NIPBL: variants seen among roughly 807,000 people sequenced by gnomAD.
NIPBL encodes the protein NIPBL cohesin loading factor.
Under a neutral mutation model 321.8 loss-of-function variants are expected in NIPBL, and 19 were observed. The ratio of observed to expected loss-of-function variants is 0.06; its 90% CI spans 0.04 to 0.09. NIPBL has a LOEUF of 0.09. Among genes scored for constraint, NIPBL ranks in the 10% least tolerant of loss-of-function variants. The probability of loss-of-function intolerance (pLI) is 1.00; values close to 1 mark genes in which losing one functional copy is unlikely to be tolerated. For synonymous variants in NIPBL, 1,106 were observed against 1,114.1 expected (o/e 0.99, Z 0.14); for missense variants, 2,210 against 3,327.0 (o/e 0.66, Z 8.26).
intron 10 of NIPBL, among the ~76,000 whole-genome samples, chr5:36,994,014 GAT>G (rs1745848009): frequency 6.6e-6 from 1 of 152,124 alleles, no homozygotes; most frequent in Non-Finnish European, 1.5e-5. Flanking sequence ...TTAAAGTAGA[GAT>G]ATTCAAAGAC....
chr5:37,031,486 A>G (rs544185712), intron 32 of NIPBL, among the ~76,000 whole-genome samples: 5 of 152,342 alleles, frequency 3.3e-5, no homozygotes, highest in Non-Finnish European at 5.9e-5. Context: ...GTCTTCTTCA[A>G]AAAACACATT....
At chr5:37,028,150 A>G (rs1049931650) in intron 32 of NIPBL, among the ~76,000 whole-genome samples, 1 of 151,942 alleles carries the variant, frequency 6.6e-6, no homozygotes. Flanking sequence ...TTTAAGTTTC[A>G]TAAATAGAAA....
chr5:36,887,785 G>C (rs747596187), intron 1 of NIPBL, among the ~76,000 whole-genome samples: 12 of 152,092 alleles, frequency 7.9e-5, no homozygotes, highest in Non-Finnish European at 1.6e-4. Context: ...GCCAGATCCA[G>C]CTGTCTATCA....
chr5:37,033,685 T>TACACACACACACACACACACACACACAC, intron 32 of NIPBL, among the ~76,000 whole-genome samples: 1 of 65,034 alleles, frequency 1.5e-5, no homozygotes, highest in African/African-American at 8.9e-5. Context: ...TATATGTACA[T>TACACACACACACACACACACACACACAC]ACACACACAC....
intron 3 of NIPBL, among the ~76,000 whole-genome samples, chr5:36,957,541 T>C (rs1185844580): frequency 6.6e-6 from 1 of 152,250 alleles, no homozygotes; most frequent in African/African-American, 2.4e-5. Flanking sequence ...TTGGAAATTA[T>C]TAAACTCATA....
In NIPBL at chr5:36,901,466, G is replaced by A. The variant is rs558108186; in HGVS notation, c.-80+24288G>A. 2.1e-5 allele frequency among the ~76,000 whole-genome samples: 3 copies of A among 145,228 alleles called. No individual in the cohort carries two copies. In the East Asian group the frequency reaches 6.3e-4, roughly 31 times the overall value. On this transcript the variant is annotated intron_variant, in intron 1 of 46. Transcript: ENST00000282516. Reference sequence around the variant, plus strand: ...TATTGCTTTGAGTATATACTCAGCAGTAGGATTGCTGGGTTGCATGGTCCT... The same window carrying A: ...TATTGCTTTGAGTATATACTCAGCAATAGGATTGCTGGGTTGCATGGTCCT...
intron 32 of NIPBL, among the ~76,000 whole-genome samples, chr5:37,030,975 T>G (rs899581399): frequency 6.0e-5 from 9 of 150,254 alleles, no homozygotes; most frequent in African/African-American, 2.2e-4. Context: ...ACTCAAGCTT[T>G]TAGTATATCT....
intron 17 of NIPBL, 40 bp from the exon 18 acceptor site, chr5:37,007,283 A>G: frequency 1.3e-6 from 2 of 1,568,044 alleles, no homozygotes; most frequent in Non-Finnish European, 8.8e-7. Context: ...AAATTATTAA[A>G]AGTTGATGTT....
intron 1 of NIPBL, among the ~76,000 whole-genome samples, chr5:36,932,339 G>A (rs765924618): frequency 6.6e-6 from 1 of 152,016 alleles, no homozygotes; most frequent in Admixed American, 6.6e-5. Flanking sequence ...CAGTTCTGTC[G>A]GTTTGTGCTT....
Position 36,996,373 on chromosome 5 carries a change from G to T in NIPBL, c.3304+569G>T, listed in dbSNP as rs1453525940. The T allele has an allele frequency of 2.2e-6, 1 of 456,048 alleles. No individual in the cohort carries two copies. The highest frequency in any genetic ancestry group is 2.0e-5 in the African/African-American group (1 of 50,024). The allele number at this position is 456,048 out of a possible 1,614,324, so 28.3% of individuals were successfully genotyped here. On this transcript the variant is annotated intron_variant, in intron 11 of 46. Transcript: ENST00000282516. The surrounding 1 kb of genome is among the most constrained non-coding windows in gnomAD (Gnocchi z 5.0). ...CCATACTATCACTAAATTATGAATG[G>T]ATTAGCCACATTGCAGATTATCTGT...
intron 1 of NIPBL, among the ~76,000 whole-genome samples, chr5:36,897,449 T>C (rs1015335726): frequency 2.0e-5 from 3 of 152,218 alleles, no homozygotes; most frequent in African/African-American, 7.2e-5. Flanking sequence ...AGGGACAGTT[T>C]ATGTTCTTTA....
intron 6 of NIPBL, among the ~76,000 whole-genome samples, chr5:36,967,036 G>A (rs547300044): frequency 6.6e-6 from 1 of 151,686 alleles, no homozygotes; most frequent in African/African-American, 2.4e-5. Context: ...AAATATGGGG[G>A]ATATATGCAA....
intron 45 of NIPBL, among the ~76,000 whole-genome samples, chr5:37,063,316 A>G (rs1207541884): frequency 6.6e-6 from 1 of 152,250 alleles, no homozygotes; most frequent in Non-Finnish European, 1.5e-5. Flanking sequence ...AAATTTAAAA[A>G]TATTTTAGTT....
At chr5:37,039,216 A>T (rs190294524) in intron 34 of NIPBL, among the ~76,000 whole-genome samples, 1 of 151,994 alleles carries the variant, frequency 6.6e-6, no homozygotes, top group Admixed American at 6.6e-5. Context: ...AGTAGCCTCT[A>T]ACAGAGGTCC....
intron 1 of NIPBL, among the ~76,000 whole-genome samples, chr5:36,942,103 G>C (rs2149584491): frequency 6.6e-6 from 1 of 151,988 alleles, no homozygotes; most frequent in South Asian, 2.1e-4. Context: ...TTAGTAAAAA[G>C]CTGTTTTTTA....
chr5:37,025,047 C>T (rs1750101826), intron 30 of NIPBL, among the ~76,000 whole-genome samples: 1 of 152,126 alleles, frequency 6.6e-6, no homozygotes, highest in African/African-American at 2.4e-5. Context: ...GCCTGGGCAA[C>T]ATAGTAAGAA....
intron 14 of NIPBL, 103 bp downstream of exon 14, chr5:37,001,181 A>G (rs1294640900): frequency 7.6e-6 from 6 of 785,184 alleles, no homozygotes; most frequent in Non-Finnish European, 1.1e-5. Context: ...TTGAAATCAT[A>G]TACTGGTTGT....
At chr5:37,031,249 G>A (rs1394086989) in intron 32 of NIPBL, among the ~76,000 whole-genome samples, 1 of 152,164 alleles carries the variant, frequency 6.6e-6, no homozygotes, top group African/African-American at 2.4e-5. Flanking sequence ...GCCTCCCAAA[G>A]TGCTGGGATT....
intron 23 of NIPBL, 56 bp from the exon 24 acceptor site, chr5:37,016,963 C>T (rs1439754533): frequency 1.7e-6 from 2 of 1,145,258 alleles, no homozygotes; most frequent in Non-Finnish European, 2.5e-6. Flanking sequence ...TGATAAATTG[C>T]TATTTAAAAT....
Sources: allele counts gnomAD v4.1 joint callset (sites outside exome capture counted in the v4.1 genomes callset), GRCh38; gene constraint gnomAD v4.1.1; non-coding constraint Gnocchi (gnomAD v3.1); transcripts MANE v1.5; gene names NCBI Gene and HGNC (gene_info 2026-07-23, HGNC 2026-07-21).